Variants in CLASP2 observed in about 807,000 individuals in gnomAD.
The protein encoded by CLASP2 is cytoplasmic linker associated protein 2.
CLASP2 carries 47 observed loss-of-function variants against 194.4 expected under a neutral mutation model. The observed-to-expected ratio is 0.24, with a 90% confidence interval of 0.19 to 0.31. The LOEUF (loss-of-function observed/expected upper bound fraction) is 0.31. Ranked by LOEUF, CLASP2 falls within the 10% of genes least tolerant of loss-of-function variation. The pLI, the probability that CLASP2 is intolerant of heterozygous loss-of-function variation, is 1.00. For synonymous variants in CLASP2, 619 were observed against 633.5 expected (o/e 0.98, Z 0.34); for missense variants, 1,445 against 1,823.6 (o/e 0.79, Z 3.78).
rs760605050 is a variant in CLASP2, at chr3:33,535,304, C to T, written c.3716G>A (p.Ser1239Asn). 4 of 1,613,740 alleles carry T rather than the reference C, an allele frequency of 2.5e-6. No homozygotes were observed. In the East Asian group the frequency reaches 6.7e-5, roughly 27 times the overall value. The change falls in exon 34 of 39, where the codon AGC becomes AAC. Residue 1239 changes from serine to asparagine, a missense_variant. Physicochemically the swap from Ser to Asn is conservative, Grantham distance 46. This residue lies in a region of CLASP2 where 732 missense variants were observed against 987.9 expected (regional missense o/e 0.74). Coordinates refer to ENST00000682230, the MANE Select transcript of CLASP2 (RefSeq NM_001365631.1). ...RDYNPYNYSD[S>N]ISPFNKSALK... Reference sequence around the variant, plus strand: ...GGCAGACTTGTTGAAGGGACTGATGCTATCTGAATAGTTATATGGATTATA... The same window carrying T: ...GGCAGACTTGTTGAAGGGACTGATGTTATCTGAATAGTTATATGGATTATA...
At chr3:33,698,727 A>G (rs182360761) in intron 1 of CLASP2, among the ~76,000 whole-genome samples, 4 of 152,214 alleles carry the variant, frequency 2.6e-5, no homozygotes, top group African/African-American at 7.2e-5. Flanking sequence ...ATAGCTCCAC[A>G]CTATATGTAA....
intron 1 of CLASP2, among the ~76,000 whole-genome samples, chr3:33,715,920 G>A (rs2093276050): frequency 7.3e-6 from 1 of 136,520 alleles, no homozygotes; most frequent in Non-Finnish European, 1.5e-5. Context: ...TAAAGCAACA[G>A]ATTAATTAGA....
chr3:33,611,240 G>A (rs553864719), intron 13 of CLASP2, among the ~76,000 whole-genome samples: 1 of 152,290 alleles, frequency 6.6e-6, no homozygotes, highest in South Asian at 2.1e-4. Context: ...CGCAGCAACT[G>A]CCTGTCCAAC....
At position 33,621,492 on chromosome 3, in the gene CLASP2, G is replaced by C. The variant is rs2077099434; in HGVS notation, c.1181+643C>G. Among the ~76,000 whole-genome samples, 3 of 152,234 alleles carry C rather than the reference G, an allele frequency of 2.0e-5. No individual in the cohort carries two copies. In the South Asian group the frequency reaches 6.2e-4, roughly 32 times the overall value. On this transcript the variant is annotated intron_variant, in intron 11 of 38. Transcript: ENST00000682230. ...TCTCTTGCAGTTTTCTGCATGGATA[G>C]TTATATCATCTGTTAATAATGGCAG...
chr3:33,567,255 C>T (rs1342020797), intron 26 of CLASP2, among the ~76,000 whole-genome samples: 1 of 152,150 alleles, frequency 6.6e-6, no homozygotes, highest in Non-Finnish European at 1.5e-5. Flanking sequence ...TATACTACTA[C>T]TTTTTATTTT....
chr3:33,625,565 T>C (rs115618481), intron 10 of CLASP2, among the ~76,000 whole-genome samples: 6,547 of 147,098 alleles, frequency 0.045, 224 homozygotes, highest in Non-Finnish European at 0.069. Flanking sequence ...ATCTCTCTCT[T>C]TTTTTTTTTT....
intron 9 of CLASP2, among the ~76,000 whole-genome samples, chr3:33,630,128 A>C (rs1283298477): frequency 6.6e-6 from 1 of 152,236 alleles, no homozygotes; most frequent in African/African-American, 2.4e-5. Flanking sequence ...AGCTACAGTG[A>C]AAGTGAGGAG....
At chr3:33,544,906 C>T in intron 30 of CLASP2, 65 bp from the exon 31 acceptor site, 1 of 1,214,518 alleles carries the variant, frequency 8.2e-7, no homozygotes, top group Non-Finnish European at 1.1e-6. Flanking sequence ...CGTTTTCTTC[C>T]CCTACATTTC....
intron 1 of CLASP2, among the ~76,000 whole-genome samples, chr3:33,708,772 T>TA (rs1377778908): frequency 6.6e-6 from 1 of 152,066 alleles, no homozygotes; most frequent in Non-Finnish European, 1.5e-5. Flanking sequence ...AGGAACCTCC[T>TA]AACCATTTTC....
At chr3:33,511,030 ATT>A (rs397875429) in intron 36 of CLASP2, among the ~76,000 whole-genome samples, 130 of 105,812 alleles carry the variant, frequency 1.2e-3, no homozygotes, top group Admixed American at 2.5e-3. Context: ...TGGCTAAAGT[ATT>A]TTTTTTTTTT....
intron 4 of CLASP2, among the ~76,000 whole-genome samples, chr3:33,687,410 G>A (rs1160931405): frequency 6.6e-6 from 1 of 152,100 alleles, no homozygotes; most frequent in African/African-American, 2.4e-5. Flanking sequence ...TTCAACAATG[G>A]CACTCTTAAA....
At chr3:33,660,980 C>T (rs923081022) in intron 7 of CLASP2, among the ~76,000 whole-genome samples, 2 of 152,148 alleles carry the variant, frequency 1.3e-5, no homozygotes, top group African/African-American at 4.8e-5. Flanking sequence ...TGTACAATTT[C>T]CCTTCAAATT....
rs1427880199 is a variant in CLASP2, at chr3:33,551,135, C to G, written c.3153+117G>C. On this transcript the variant is annotated intron_variant, in intron 30 of 38. Coordinates refer to ENST00000682230, the MANE Select transcript of CLASP2 (RefSeq NM_001365631.1). ...AATTTTAAAGATTTTTTAAAAAGCT[C>G]TTCATAACTCACTGCTAATTGCTAA... 24 of 830,822 alleles carry G rather than the reference C, an allele frequency of 2.9e-5. No homozygotes were observed. In the South Asian group the frequency reaches 5.6e-4, roughly 19 times the overall value. The allele number at this position is 830,822 out of a possible 1,614,324, so 51.5% of individuals were successfully genotyped here. A position where few individuals can be genotyped will look rare whatever the true frequency, so the allele number is the denominator to read the frequency against.
chr3:33,605,055 G>A (rs561448773), intron 16 of CLASP2, among the ~76,000 whole-genome samples: 3 of 152,162 alleles, frequency 2.0e-5, no homozygotes, highest in African/African-American at 7.2e-5. Flanking sequence ...AAGGTTCACA[G>A]AATCTAAAGT....
chr3:33,698,368 C>G (rs1223248622), intron 1 of CLASP2, among the ~76,000 whole-genome samples: 2 of 152,084 alleles, frequency 1.3e-5, no homozygotes, highest in Admixed American at 1.3e-4. Flanking sequence ...TTGGGGAAAG[C>G]CATGGTCTTT....
intron 29 of CLASP2, among the ~76,000 whole-genome samples, chr3:33,555,357 A>G (rs2060735407): frequency 6.8e-6 from 1 of 147,708 alleles, no homozygotes; most frequent in Non-Finnish European, 1.5e-5. Flanking sequence ...GACAGCACAT[A>G]ATATTCTGAT....
intron 30 of CLASP2, among the ~76,000 whole-genome samples, chr3:33,547,820 G>A (rs1415831355): frequency 6.3e-5 from 9 of 142,918 alleles, no homozygotes; most frequent in Non-Finnish European, 1.2e-4. Flanking sequence ...ATGGGGTGCT[G>A]CTCTGTCACT....
At chr3:33,545,513 T>G in intron 30 of CLASP2, among the ~76,000 whole-genome samples, 1 of 152,212 alleles carries the variant, frequency 6.6e-6, no homozygotes, top group Non-Finnish European at 1.5e-5. Context: ...ATGGTTAAAT[T>G]ATGTTACTTT....
At chr3:33,574,646 C>T (rs2064454888) in intron 24 of CLASP2, 1 of 477,796 alleles carries the variant, frequency 2.1e-6, no homozygotes, top group Non-Finnish European at 3.6e-6. Context: ...TATTAGCAGG[C>T]TGTGTCTTTA....
Sources: gnomAD v4.1 joint callset for allele counts (sites outside exome capture counted in the v4.1 genomes callset) on GRCh38, gnomAD v4.1.1 for gene constraint, gnomAD v4.1.1 regional missense constraint, MANE v1.5 for transcripts, NCBI Gene and HGNC (gene_info 2026-07-23, HGNC 2026-07-21) for gene names.